FBLN2: variants seen among roughly 807,000 people sequenced by gnomAD.
FBLN2 encodes fibulin-2.
A neutral mutation model predicts 123.7 loss-of-function variants in FBLN2; 81 were observed. The observed-to-expected ratio is 0.65, with a 90% CI of 0.55 to 0.79. The LOEUF is 0.79. FBLN2 is among the 30% of genes least tolerant of loss of function. FBLN2 has a pLI of 0.00. For synonymous variants in FBLN2, 699 were observed against 701.4 expected, an observed-to-expected ratio of 1.00 and a Z score of 0.05; for missense variants, 1,603 against 1,681.3, an observed-to-expected ratio of 0.95 and a Z score of 0.81.
At chr3:13,585,705 C>T (rs1241546513) in intron 2 of FBLN2, among the ~76,000 whole-genome samples, 1 of 152,282 alleles carries the variant, frequency 6.6e-6, no homozygotes, top group African/African-American at 2.4e-5. Context: ...GCAGGAGAAT[C>T]GCTTGAACCC....
Position 13,629,204 on chromosome 3 carries a change from G to A in FBLN2, c.2754G>A (p.Glu918=). Residue 918 remains glutamate, a synonymous_variant, in exon 13 of 18, where the codon GAG becomes GAA. Transcript: ENST00000404922. ...AGACAGGTGTGCACCGCTGCGGTGA[G>A]GGCCAAGTGTGCCACAACCTCCCTG... ...ECETGVHRCG[E]GQVCHNLPGS... 6.2e-7 allele frequency: 1 copy of A among 1,613,388 alleles called. No homozygotes were observed.
chr3:13,634,016 C>G (rs927694507), intron 16 of FBLN2, among the ~76,000 whole-genome samples: 2 of 132,630 alleles, frequency 1.5e-5, no homozygotes, highest in African/African-American at 5.6e-5. Context: ...ACTCTGAGTC[C>G]CGGTCGTTTC....
At position 13,637,586 on chromosome 3, in the gene FBLN2, T is replaced by C. The variant is rs2124917314; in HGVS notation, c.3363T>C (p.His1121=). 2 of 1,610,936 alleles carry C rather than the reference T, an allele frequency of 1.2e-6. No individual in the cohort carries two copies. Among genetic ancestry groups the C allele is most frequent in the Non-Finnish European group, 1.7e-6 (2 of 1,177,764 alleles). ...SKTKCERTTC[H]DFLECQNSPA... The stretch of plus-strand genomic sequence containing the variant: ...GGAAGTGCGAGCGCACCACGTGCCA[T>C]GACTTCCTGGAGTGCCAGAACTCGC... The change falls in exon 18 of 18, where the codon CAT becomes CAC. Residue 1121 remains histidine, a synonymous_variant. Transcript: ENST00000404922.
chr3:13,609,380 C>T (rs964972661), intron 3 of FBLN2, 133 bp from the exon 4 acceptor site: 4 of 1,012,698 alleles, frequency 3.9e-6, no homozygotes, highest in East Asian at 2.9e-5. Flanking sequence ...GGAGGTTGTG[C>T]CGGCTCTGCC....
intron 2 of FBLN2, among the ~76,000 whole-genome samples, chr3:13,602,000 C>T (rs1336175085): frequency 2.0e-5 from 3 of 152,224 alleles, no homozygotes; most frequent in Non-Finnish European, 4.4e-5. Context: ...CACTATGTTT[C>T]TCAGGCTGGT....
chr3:13,631,875 G>T (rs1706270845), intron 16 of FBLN2, among the ~76,000 whole-genome samples: 1 of 152,192 alleles, frequency 6.6e-6, no homozygotes, highest in East Asian at 1.9e-4. Flanking sequence ...AGTAGGGCGG[G>T]ATCCTGGGGA....
intron 14 of FBLN2, among the ~76,000 whole-genome samples, 165 bp from the exon 15 acceptor site, chr3:13,630,534 G>C (rs964091346): frequency 6.6e-6 from 1 of 152,228 alleles, no homozygotes; most frequent in Non-Finnish European, 1.5e-5. Context: ...GGGAGGCCAT[G>C]GATCCCTTCC....
intron 1 of FBLN2, among the ~76,000 whole-genome samples, chr3:13,552,273 G>A (rs956256057): frequency 9.9e-5 from 15 of 152,170 alleles, no homozygotes; most frequent in African/African-American, 3.6e-4. Context: ...CTTGGATTAG[G>A]GCAGTGGCAG....
At chr3:13,597,156 T>C (rs1704870997) in intron 2 of FBLN2, among the ~76,000 whole-genome samples, 1 of 152,210 alleles carries the variant, frequency 6.6e-6, no homozygotes, top group Admixed American at 6.5e-5. Context: ...GGTCTTGAAC[T>C]CCTGGCCTCA....
Position 13,600,890 on chromosome 3 carries a change from A to G in FBLN2, c.1307-7172A>G, listed in dbSNP as rs565886307. On this transcript the variant is annotated intron_variant, in intron 2 of 17. Coordinates refer to ENST00000404922, the MANE Select transcript of FBLN2 (RefSeq NM_001004019.2). ...CTCGGCCTCCCAAAGTGCTGGGATT[A>G]CAGGCGTGAGCCACTGCACCTGGCC... 2.0e-5 allele frequency among the ~76,000 whole-genome samples: 3 copies of G among 152,340 alleles called. No individual in the cohort carries two copies. In the South Asian group the frequency reaches 6.2e-4, roughly 32 times the overall value.
intron 6 of FBLN2, among the ~76,000 whole-genome samples, chr3:13,618,673 C>A (rs1045785061): frequency 6.6e-6 from 1 of 152,206 alleles, no homozygotes; most frequent in Non-Finnish European, 1.5e-5. Flanking sequence ...CCTTTCCCCC[C>A]TCTCTTCTTC....
chr3:13,636,154 C>T (rs898893507), intron 16 of FBLN2, among the ~76,000 whole-genome samples: 2 of 152,296 alleles, frequency 1.3e-5, no homozygotes, highest in East Asian at 3.9e-4. Flanking sequence ...CTTAGAGAGG[C>T]CAGAGAGCCT....
intron 8 of FBLN2, among the ~76,000 whole-genome samples, chr3:13,620,160 G>C (rs1414548428): frequency 6.6e-6 from 1 of 152,142 alleles, no homozygotes; most frequent in Non-Finnish European, 1.5e-5. Context: ...GGGTCAAACA[G>C]GCAGTCCTGA....
intron 2 of FBLN2, among the ~76,000 whole-genome samples, chr3:13,605,387 G>A (rs915543765): frequency 2.0e-5 from 3 of 152,146 alleles, no homozygotes; most frequent in Admixed American, 6.5e-5. Context: ...GCTGTCATGT[G>A]TTCTTGCAAA....
At chr3:13,613,484 T>A (rs1705470626) in intron 4 of FBLN2, among the ~76,000 whole-genome samples, 1 of 152,238 alleles carries the variant, frequency 6.6e-6, no homozygotes, top group African/African-American at 2.4e-5. Flanking sequence ...ACTTGTAGCT[T>A]CCATCTTCAG....
At position 13,587,158 on chromosome 3, in the gene FBLN2, A is replaced by AAT. The variant is rs1553618622; in HGVS notation, c.1306+15498_1306+15499insTA. Reference sequence around the variant, plus strand: ...AGACTCCGTCTCAAAAAAAAAAAAAAAAATAAATAAATAATTAAAAAAATA... The same window carrying AAT: ...AGACTCCGTCTCAAAAAAAAAAAAAAATAAATAAATAAATAATTAAAAAAATA... On this transcript the variant is annotated intron_variant, in intron 2 of 17. Coordinates refer to ENST00000404922, the MANE Select transcript of FBLN2 (RefSeq NM_001004019.2). Among the ~76,000 whole-genome samples the AAT allele has an allele frequency of 3.0e-4, 45 of 148,500 alleles. 1 individual carries two copies. Among genetic ancestry groups the AAT allele is most frequent in the African/African-American group, 9.0e-4 (36 of 40,192 alleles).
intron 1 of FBLN2, among the ~76,000 whole-genome samples, chr3:13,551,328 T>C (rs911251100): frequency 2.0e-5 from 3 of 152,162 alleles, no homozygotes; most frequent in African/African-American, 7.2e-5. Flanking sequence ...AGACACTTCC[T>C]GCTAGGCTGT....
chr3:13,608,935 T>C (rs1432637466), intron 3 of FBLN2, among the ~76,000 whole-genome samples: 1 of 152,220 alleles, frequency 6.6e-6, no homozygotes, highest in African/African-American at 2.4e-5. Flanking sequence ...ATTCTACCAA[T>C]ATGGGGCAAC....
intron 1 of FBLN2, among the ~76,000 whole-genome samples, chr3:13,563,407 A>G (rs1299697772): frequency 1.3e-5 from 2 of 151,770 alleles, no homozygotes; most frequent in Admixed American, 6.6e-5. Flanking sequence ...CTGGGAGGTC[A>G]CTCTCCATGG....
Sources: allele counts gnomAD v4.1 joint callset (sites outside exome capture counted in the v4.1 genomes callset), GRCh38; gene constraint gnomAD v4.1.1; transcripts MANE v1.5; gene names NCBI Gene and HGNC (gene_info 2026-07-23, HGNC 2026-07-21).